PALLD: variants seen among roughly 807,000 people sequenced by gnomAD.
PALLD encodes the protein palladin.
PALLD carries 61 observed loss-of-function variants against 123.5 expected under a neutral mutation model. The ratio of observed to expected loss-of-function variants is 0.49; its 90% CI spans 0.40 to 0.61. The LOEUF is 0.61. Among genes scored for constraint, PALLD ranks in the 20% least tolerant of loss-of-function variants. The pLI, the probability that PALLD is intolerant of heterozygous loss-of-function variation, is 0.00. For missense variants in PALLD, 1,273 were observed against 1,377.0 expected (o/e 0.92, Z 1.20); for synonymous variants, 465 against 496.4 (o/e 0.94, Z 0.84).
At chr4:168,878,853 C>A (rs1207846351) in intron 10 of PALLD, among the ~76,000 whole-genome samples, 4 of 152,096 alleles carry the variant, frequency 2.6e-5, no homozygotes, top group East Asian at 1.9e-4. Flanking sequence ...AACCGAGACA[C>A]GAATCCATGC....
chr4:168,613,141 T>C (rs535473907), intron 2 of PALLD, among the ~76,000 whole-genome samples: 111 of 152,302 alleles, frequency 7.3e-4, no homozygotes, highest in African/African-American at 2.6e-3. Flanking sequence ...CACATTTAGA[T>C]ATCTCAAATG....
At chr4:168,731,573 T>C (rs762162949) in intron 10 of PALLD, among the ~76,000 whole-genome samples, 12 of 152,244 alleles carry the variant, frequency 7.9e-5, no homozygotes, top group African/African-American at 1.4e-4. Flanking sequence ...TTTTTGTTAT[T>C]ATTAAGACAA....
chr4:168,682,242 T>C (rs1156251154), intron 4 of PALLD, among the ~76,000 whole-genome samples: 2 of 152,178 alleles, frequency 1.3e-5, no homozygotes, highest in African/African-American at 4.8e-5. Flanking sequence ...AGTCCATAAA[T>C]ATTGAGTCTG....
intron 1 of PALLD, among the ~76,000 whole-genome samples, chr4:168,510,526 G>C (rs1246800611): frequency 6.6e-6 from 1 of 152,094 alleles, no homozygotes; most frequent in African/African-American, 2.4e-5. Flanking sequence ...TAACTGTGCT[G>C]TAAGTCTGGA....
At chr4:168,768,156 A>G (rs1358735394) in intron 10 of PALLD, among the ~76,000 whole-genome samples, 1 of 152,020 alleles carries the variant, frequency 6.6e-6, no homozygotes, top group East Asian at 1.9e-4. Context: ...TTTTATCTAT[A>G]TTTCTGTTGA....
At chr4:168,502,285 T>C (rs894944363) in intron 1 of PALLD, among the ~76,000 whole-genome samples, 2 of 152,212 alleles carry the variant, frequency 1.3e-5, no homozygotes, top group African/African-American at 4.8e-5. Flanking sequence ...ATTCTTTGTC[T>C]AACAGAATTG....
intron 10 of PALLD, among the ~76,000 whole-genome samples, chr4:168,751,695 T>C (rs1377080809): frequency 6.6e-6 from 1 of 152,250 alleles, no homozygotes; most frequent in Non-Finnish European, 1.5e-5. Context: ...GAGGTTAGCA[T>C]GCACACGTAT....
intron 10 of PALLD, among the ~76,000 whole-genome samples, chr4:168,843,042 TAC>T (rs1352898566): frequency 6.6e-6 from 1 of 152,180 alleles, no homozygotes; most frequent in Non-Finnish European, 1.5e-5. Context: ...GCCAGGGAAA[TAC>T]ATAGTGCCAC....
intron 2 of PALLD, among the ~76,000 whole-genome samples, chr4:168,569,773 C>G (rs1322954597): frequency 6.6e-6 from 1 of 152,094 alleles, no homozygotes; most frequent in African/African-American, 2.4e-5. Context: ...ACTTGACCCC[C>G]GCAGGTTTGT....
chr4:168,830,230 T>TC, intron 10 of PALLD, among the ~76,000 whole-genome samples: 1 of 68,112 alleles, frequency 1.5e-5, no homozygotes, highest in Non-Finnish European at 2.7e-5. Context: ...AGACTTTGTC[T>TC]CAAAAAAAAA....
At chr4:168,692,707 G>A (rs556768743) in intron 8 of PALLD, among the ~76,000 whole-genome samples, 1 of 152,324 alleles carries the variant, frequency 6.6e-6, no homozygotes, top group East Asian at 1.9e-4. Context: ...AATGCTTTGT[G>A]TATAAATAAG....
At chr4:168,615,169 A>G (rs1774104321) in intron 2 of PALLD, among the ~76,000 whole-genome samples, 1 of 151,946 alleles carries the variant, frequency 6.6e-6, no homozygotes, top group South Asian at 2.1e-4. Flanking sequence ...GTTAAAAAAA[A>G]AAAAAACTTT....
Position 168,595,149 on chromosome 4 carries a change from C to T in PALLD, c.909-73041C>T, listed in dbSNP as rs555347961. ...CCAAATAAATGTTTGCTGTCCTTGA[C>T]CTCCATGAGGATAAGTTGTGGTGGG... On this transcript the variant is annotated intron_variant, in intron 2 of 21. Coordinates refer to ENST00000505667, the MANE Select transcript of PALLD (RefSeq NM_001166108.2). Among the ~76,000 whole-genome samples, 83 of 152,284 alleles carry T rather than the reference C, an allele frequency of 5.5e-4. 3 individuals are homozygous for T. Among genetic ancestry groups the T allele is most frequent in the African/African-American group, 1.2e-3 (51 of 41,580 alleles).
chr4:168,911,754 T>A (rs1452926782), intron 15 of PALLD, among the ~76,000 whole-genome samples: 2 of 152,226 alleles, frequency 1.3e-5, no homozygotes, highest in Non-Finnish European at 2.9e-5. Context: ...GTGCTTCAGG[T>A]ACAGTTAATC....
intron 5 of PALLD, among the ~76,000 whole-genome samples, chr4:168,684,348 A>G (rs1279046294): frequency 6.6e-6 from 1 of 152,184 alleles, no homozygotes; most frequent in Non-Finnish European, 1.5e-5. Context: ...TAGTTGGGAG[A>G]ATGAAGCACC....
intron 10 of PALLD, among the ~76,000 whole-genome samples, chr4:168,718,993 C>T (rs560641620): frequency 1.3e-4 from 20 of 151,400 alleles, no homozygotes; most frequent in South Asian, 1.3e-3. Context: ...CTGCAACCTC[C>T]GCCTCCTGGG....
chr4:168,910,325 T>C (rs2151376499), intron 15 of PALLD, among the ~76,000 whole-genome samples: 1 of 151,090 alleles, frequency 6.6e-6, no homozygotes, highest in African/African-American at 2.4e-5. Flanking sequence ...CCACATCAAA[T>C]GCAGCCATCA....
chr4:168,644,081 A>G (rs1777205498), intron 2 of PALLD, among the ~76,000 whole-genome samples: 1 of 147,756 alleles, frequency 6.8e-6, no homozygotes, highest in Admixed American at 6.7e-5. Flanking sequence ...GAACTCTTTG[A>G]TGTTGATATC....
At chr4:168,888,345 C>T (rs1487584844) in intron 10 of PALLD, among the ~76,000 whole-genome samples, 7 of 152,062 alleles carry the variant, frequency 4.6e-5, no homozygotes, top group Admixed American at 1.3e-4. Flanking sequence ...GACTCAACTA[C>T]AAGGAGATTC....
Sources: gnomAD v4.1 joint callset for allele counts (sites outside exome capture counted in the v4.1 genomes callset) on GRCh38, gnomAD v4.1.1 for gene constraint, MANE v1.5 for transcripts, NCBI Gene and HGNC (gene_info 2026-07-23, HGNC 2026-07-21) for gene names.